The following ITPRID1 variants were observed in gnomAD, a reference collection of about 807,000 sequenced individuals.
ITPRID1 encodes the protein ITPR interacting domain containing 1.
Under a neutral mutation model 95.4 loss-of-function variants are expected in ITPRID1, and 96 were observed. The observed-to-expected ratio is 1.01, with a 90% confidence interval of 0.85 to 1.19. ITPRID1 has a LOEUF of 1.19. Ranked by LOEUF, ITPRID1 falls within the 50% of genes most tolerant of loss-of-function variation. The pLI, the probability that ITPRID1 is intolerant of heterozygous loss-of-function variation, is 0.00. For synonymous variants in ITPRID1, 510 were observed against 453.6 expected, an observed-to-expected ratio of 1.12 and a Z score of -1.58; for missense variants, 1,339 against 1,252.9, an observed-to-expected ratio of 1.07 and a Z score of -1.04.
chr7:31,538,478 A>G (rs1366199411), intron 1 of ITPRID1, among the ~76,000 whole-genome samples: 1 of 152,212 alleles, frequency 6.6e-6, no homozygotes, highest in Admixed American at 6.5e-5. Context: ...GTCCCAATAA[A>G]GTCCTTAAAG....
intron 12 of ITPRID1, 127 bp from the exon 13 acceptor site, chr7:31,651,015 C>G: frequency 1.0e-6 from 1 of 996,378 alleles, no homozygotes; most frequent in Non-Finnish European, 1.4e-6. Flanking sequence ...TTCCCTCCCC[C>G]TTATATTAGC....
intron 10 of ITPRID1, among the ~76,000 whole-genome samples, chr7:31,634,209 C>T (rs1033457164): frequency 6.6e-6 from 1 of 152,086 alleles, no homozygotes; most frequent in Non-Finnish European, 1.5e-5. Context: ...AGCAGGGTCC[C>T]CCTAATTGGG....
chr7:31,587,486 A>T (rs995638327), intron 10 of ITPRID1, among the ~76,000 whole-genome samples: 5 of 147,716 alleles, frequency 3.4e-5, no homozygotes, highest in African/African-American at 1.2e-4. Context: ...AAGGAAATAA[A>T]AGAGGATACA....
rs200031625 is a variant in ITPRID1 at position 31,577,955 on chromosome 7, G to C, written c.691G>C (p.Glu231Gln). 58 of 1,613,754 alleles carry C rather than the reference G, an allele frequency of 3.6e-5. No homozygotes were observed. In the East Asian group the frequency reaches 1.2e-3, roughly 34 times the overall value. Residue 231 changes from glutamate to glutamine, a missense_variant, in exon 9 of 15, where the codon GAG becomes CAG. Glu to Gln is a conservative substitution (Grantham distance 29, BLOSUM62 2). Coordinates refer to ENST00000615280, the MANE Select transcript of ITPRID1 (RefSeq NM_001257967.3). ...DVSILPNRAE[E>Q]KAGGESVQRT... Reference sequence around the variant, plus strand: ...CAGCATCCTGCCAAACAGAGCTGAAGAGAAAGCTGGAGGAGAGAGTGTGCA... The same window carrying C: ...CAGCATCCTGCCAAACAGAGCTGAACAGAAAGCTGGAGGAGAGAGTGTGCA...
rs1562562054 is a variant in ITPRID1, at chr7:31,549,471, AAAAG to A, written c.-44_-41del. Reference sequence around the variant, plus strand: ...AGAAGCAACACACAGAAGAGAAGGAAAAAGAAAGAAAACTGACCAATATGAGTGG... The same window carrying A: ...AGAAGCAACACACAGAAGAGAAGGAAAAAGAAAACTGACCAATATGAGTGG... On this transcript the variant is annotated 5_prime_UTR_variant, in exon 2 of 15. Transcript: ENST00000615280. The A allele has an allele frequency of 6.6e-7, 1 of 1,523,516 alleles. No individual in the cohort carries two copies. Among genetic ancestry groups the A allele is most frequent in the Non-Finnish European group, 8.8e-7 (1 of 1,142,130 alleles). The allele number at this position is 1,523,516 out of a possible 1,614,324, so 94.4% of individuals were successfully genotyped here. A position where few individuals can be genotyped will look rare whatever the true frequency, so the allele number is the denominator to read the frequency against.
At chr7:31,554,835 A>T (rs1209245713) in intron 4 of ITPRID1, 23 bp from the exon 5 acceptor site, 2 of 1,545,926 alleles carry the variant, frequency 1.3e-6, no homozygotes, top group Non-Finnish European at 1.8e-6. Context: ...TGTTTGACTC[A>T]CAATACTTTT....
chr7:31,628,519 G>A (rs38369), intron 10 of ITPRID1, among the ~76,000 whole-genome samples: 37,939 of 150,134 alleles, frequency 0.25, 5,623 homozygotes, highest in Non-Finnish European at 0.33. Context: ...GTACAGTGGC[G>A]CGACCTCAGC....
chr7:31,546,397 T>TTG (rs141172213), intron 1 of ITPRID1, among the ~76,000 whole-genome samples: 1,711 of 148,914 alleles, frequency 0.011, 23 homozygotes, highest in African/African-American at 0.034. Context: ...CAGAGAAATA[T>TTG]TGTGTGTGTG....
chr7:31,627,059 A>G (rs1048666810), intron 10 of ITPRID1, among the ~76,000 whole-genome samples: 2 of 152,232 alleles, frequency 1.3e-5, no homozygotes, highest in Non-Finnish European at 2.9e-5. Flanking sequence ...TCTTATTACT[A>G]TGAAATACAA....
At chr7:31,514,972 G>A (rs531813649) in intron 1 of ITPRID1, among the ~76,000 whole-genome samples, 22 of 151,896 alleles carry the variant, frequency 1.4e-4, no homozygotes, top group Middle Eastern at 3.4e-3. Flanking sequence ...ACTTCTCCTG[G>A]TTCAGACCTG....
intron 9 of ITPRID1, among the ~76,000 whole-genome samples, chr7:31,580,535 A>G (rs1785362342): frequency 6.6e-6 from 1 of 152,132 alleles, no homozygotes; most frequent in South Asian, 2.1e-4. Context: ...ATTTTATATA[A>G]CTAAATAAGA....
At chr7:31,601,743 C>T (rs1375823172) in intron 10 of ITPRID1, among the ~76,000 whole-genome samples, 2 of 152,062 alleles carry the variant, frequency 1.3e-5, no homozygotes, top group Non-Finnish European at 2.9e-5. Context: ...CGAGAGTGCC[C>T]ATCTCTTTTG....
chr7:31,529,288 G>T (rs1783518894), intron 1 of ITPRID1, among the ~76,000 whole-genome samples: 1 of 152,122 alleles, frequency 6.6e-6, no homozygotes, highest in Non-Finnish European at 1.5e-5. Flanking sequence ...CAAATCATTG[G>T]GTTGGTAACA....
intron 5 of ITPRID1, among the ~76,000 whole-genome samples, chr7:31,556,408 C>G (rs1388269368): frequency 6.6e-6 from 1 of 152,124 alleles, no homozygotes; most frequent in Non-Finnish European, 1.5e-5. Flanking sequence ...TGGTTTGTTT[C>G]GTCTGTTTGT....
chr7:31,625,141 G>A (rs1361168468), intron 10 of ITPRID1, among the ~76,000 whole-genome samples: 1 of 152,124 alleles, frequency 6.6e-6, no homozygotes, highest in African/African-American at 2.4e-5. Context: ...TGGAGAGGAT[G>A]TGGAGAAATA....
intron 3 of ITPRID1, among the ~76,000 whole-genome samples, chr7:31,554,228 C>T (rs962132549): frequency 1.3e-5 from 2 of 152,260 alleles, no homozygotes; most frequent in Admixed American, 6.5e-5. Flanking sequence ...TTTTTCTTCT[C>T]TCTCACATTT....
rs768968479 is a variant in ITPRID1 at position 31,554,523 on chromosome 7, TGTAA to T, written c.212+3_212+6del. The T allele has an allele frequency of 1.2e-4, 199 of 1,612,904 alleles. 1 individual carries two copies. Among genetic ancestry groups the T allele is most frequent in the Middle Eastern group, 8.3e-4 (5 of 6,056 alleles). ...CAGCAGTGGCTGGACTCTGGATTCT[TGTAA>T]GTGTTTTTGTGTGTGTGTGCCTTAC... On this transcript the variant is annotated splice_donor_variant and splice_donor_region_variant and intron_variant, in intron 4 of 14. Coordinates refer to ENST00000615280, the MANE Select transcript of ITPRID1 (RefSeq NM_001257967.3). LOFTEE classifies it high-confidence loss of function.
rs1279599854 is a variant in ITPRID1, at chr7:31,598,403, T to TC, written c.1228+15212_1228+15213insC. Among the ~76,000 whole-genome samples, 272 of 132,530 alleles carry TC rather than the reference T, an allele frequency of 2.1e-3. 10 individuals carry two copies. Among genetic ancestry groups the TC allele is most frequent in the South Asian group, 4.5e-3 (18 of 4,026 alleles). The allele number at this position is 132,530 out of a possible 152,430, so 86.9% of individuals were successfully genotyped here. On this transcript the variant is annotated intron_variant, in intron 10 of 14. Coordinates refer to ENST00000615280, the MANE Select transcript of ITPRID1 (RefSeq NM_001257967.3). ...GCGAATTTCTTTTTTTTTTTCTTTT[T>TC]TTTTTTTTTTTTTTTTTTGAGACGG...
Position 31,574,545 on chromosome 7 carries a change from CT to C in ITPRID1, c.402del (p.Glu135AsnfsTer8). The C allele has an allele frequency of 6.2e-7, 1 of 1,613,008 alleles. No individual in the cohort carries two copies. The highest frequency in any genetic ancestry group is 1.1e-5 in the South Asian group (1 of 91,082). On this transcript the variant is annotated frameshift_variant, in exon 8 of 15. Coordinates refer to ENST00000615280, the MANE Select transcript of ITPRID1 (RefSeq NM_001257967.3). LOFTEE classifies it high-confidence loss of function. ...ATTCATATTTTTTACCACAGCATTCCTGAATGGCTGGAATTTTGGGAGATAG... is the reference window on the plus strand; with the variant it reads ...ATTCATATTTTTTACCACAGCATTCCGAATGGCTGGAATTTTGGGAGATAG... The part of the protein sequence containing the change: ...YSTASVPQSI[P>X]EWLEFWEIDP...
Sources: gnomAD v4.1 joint callset for allele counts (sites outside exome capture counted in the v4.1 genomes callset) on GRCh38, gnomAD v4.1.1 for gene constraint, MANE v1.5 for transcripts, NCBI Gene and HGNC (gene_info 2026-07-23, HGNC 2026-07-21) for gene names.